The following PPP1R9A variants were observed in gnomAD, a reference collection of about 807,000 sequenced individuals.
PPP1R9A encodes protein phosphatase 1 regulatory subunit 9A, also known as neurabin-1.
In PPP1R9A, 59 loss-of-function variants were observed where a neutral mutation model predicts 141.9. The observed-to-expected ratio is 0.42, with a 90% CI of 0.34 to 0.52. PPP1R9A has a LOEUF of 0.52. Ranked by LOEUF, PPP1R9A falls within the 20% of genes least tolerant of loss-of-function variation. The pLI is 0.10. For synonymous variants in PPP1R9A, 500 were observed against 569.7 expected (o/e 0.88, Z 1.74); for missense variants, 1,444 against 1,611.9 (o/e 0.90, Z 1.78).
At chr7:95,071,582 T>G (rs1465622916) in intron 2 of PPP1R9A, among the ~76,000 whole-genome samples, 1 of 151,962 alleles carries the variant, frequency 6.6e-6, no homozygotes, top group Non-Finnish European at 1.5e-5. Context: ...CTTTTAAATG[T>G]CACAAAATAG....
intron 2 of PPP1R9A, among the ~76,000 whole-genome samples, chr7:95,020,682 C>T (rs1055325493): frequency 1.3e-5 from 2 of 152,128 alleles, no homozygotes; most frequent in Non-Finnish European, 2.9e-5. Flanking sequence ...GTTCAGCTCC[C>T]ACTTATGAGT....
chr7:94,998,213 C>T (rs1802433268), intron 2 of PPP1R9A, among the ~76,000 whole-genome samples: 1 of 152,060 alleles, frequency 6.6e-6, no homozygotes, highest in African/African-American at 2.4e-5. Flanking sequence ...ACACAGGACC[C>T]CAATATAGAA....
intron 4 of PPP1R9A, among the ~76,000 whole-genome samples, chr7:95,140,572 G>A (rs1826477305): frequency 6.6e-6 from 1 of 152,082 alleles, no homozygotes; most frequent in Non-Finnish European, 1.5e-5. Context: ...TGTATTTTTA[G>A]TATAGACGGG....
At chr7:94,941,764 T>G (rs1475287413) in intron 2 of PPP1R9A, among the ~76,000 whole-genome samples, 1 of 152,156 alleles carries the variant, frequency 6.6e-6, no homozygotes, top group Non-Finnish European at 1.5e-5. Context: ...AAATTATATA[T>G]GTCTTACAAA....
chr7:95,084,858 G>A (rs986966735), intron 2 of PPP1R9A, among the ~76,000 whole-genome samples: 2 of 151,760 alleles, frequency 1.3e-5, no homozygotes, highest in Non-Finnish European at 2.9e-5. Context: ...CATCACCATC[G>A]CAAACCATGC....
At chr7:94,979,007 G>A (rs1407739320) in intron 2 of PPP1R9A, among the ~76,000 whole-genome samples, 1 of 152,156 alleles carries the variant, frequency 6.6e-6, no homozygotes, top group Non-Finnish European at 1.5e-5. Context: ...ATGTTGGCCA[G>A]GCTGGTCTCG....
intron 12 of PPP1R9A, among the ~76,000 whole-genome samples, chr7:95,267,169 C>A (rs1801431442): frequency 6.6e-6 from 1 of 152,098 alleles, no homozygotes; most frequent in Non-Finnish European, 1.5e-5. Context: ...GTTTCATAGA[C>A]AAGAGGCACA....
chr7:95,038,410 A>C (rs1808750525), intron 2 of PPP1R9A, among the ~76,000 whole-genome samples: 1 of 152,128 alleles, frequency 6.6e-6, no homozygotes, highest in African/African-American at 2.4e-5. Flanking sequence ...CCTCCCCACC[A>C]GTGTTCATGG....
chr7:95,009,586 C>T (rs1242936860), intron 2 of PPP1R9A, among the ~76,000 whole-genome samples: 1 of 152,170 alleles, frequency 6.6e-6, no homozygotes, highest in East Asian at 1.9e-4. Flanking sequence ...CTTACAAGTG[C>T]TCCTTTGGAT....
intron 4 of PPP1R9A, among the ~76,000 whole-genome samples, chr7:95,134,801 AT>A (rs1341254938): frequency 6.6e-6 from 1 of 151,792 alleles, no homozygotes; most frequent in East Asian, 1.9e-4. Context: ...TCAGGAACCA[AT>A]TTTTTTTCTT....
At chr7:95,004,604 C>T (rs114452103) in intron 2 of PPP1R9A, among the ~76,000 whole-genome samples, 316 of 152,212 alleles carry the variant, frequency 2.1e-3, no homozygotes, top group African/African-American at 7.4e-3. Context: ...TACTACGTGC[C>T]TAAATGAACC....
chr7:95,232,840 A>G (rs2152968349), intron 8 of PPP1R9A, among the ~76,000 whole-genome samples: 1 of 152,356 alleles, frequency 6.6e-6, no homozygotes, highest in Admixed American at 6.5e-5. Flanking sequence ...TACCAGTTAG[A>G]ATGACAATCA....
chr7:95,058,776 G>GTTTTC (rs895769451), intron 2 of PPP1R9A, among the ~76,000 whole-genome samples: 8 of 151,734 alleles, frequency 5.3e-5, no homozygotes, highest in Non-Finnish European at 1.0e-4. Flanking sequence ...CAAAGCTTTA[G>GTTTTC]TTTTCTTTTC....
Position 95,004,676 on chromosome 7 carries a change from A to G in PPP1R9A, c.1395+93168A>G, listed in dbSNP as rs549916443. Among the ~76,000 whole-genome samples, 288 of 152,302 alleles carry G rather than the reference A, an allele frequency of 1.9e-3. 2 individuals are homozygous for G. The highest frequency in any genetic ancestry group is 6.5e-3 in the African/African-American group (269 of 41,576). On this transcript the variant is annotated intron_variant, in intron 2 of 19. Coordinates refer to ENST00000433360, the MANE Select transcript of PPP1R9A (RefSeq NM_001166160.2). ...AATAAAAGCTTACTGGATAGGCTCA[A>G]TAATAGAATGGATATGACTGGATAT...
At chr7:95,177,086 A>G (rs1017162873) in intron 5 of PPP1R9A, among the ~76,000 whole-genome samples, 33 of 152,286 alleles carry the variant, frequency 2.2e-4, no homozygotes, top group African/African-American at 7.7e-4. Flanking sequence ...TAAAGTTAAG[A>G]TGAAGGAAAG....
chr7:95,025,256 G>A (rs760972294), intron 2 of PPP1R9A, among the ~76,000 whole-genome samples: 5 of 151,942 alleles, frequency 3.3e-5, no homozygotes, highest in East Asian at 1.9e-4. Context: ...TAGTAGAGAC[G>A]GGGTTTCACC....
intron 7 of PPP1R9A, among the ~76,000 whole-genome samples, chr7:95,219,658 A>G (rs536311261): frequency 3.3e-5 from 5 of 152,242 alleles, no homozygotes; most frequent in Non-Finnish European, 7.4e-5. Context: ...GAATGAGTTG[A>G]TAAGTGGGAG....
At chr7:95,221,346 C>A (rs1158800045) in intron 7 of PPP1R9A, among the ~76,000 whole-genome samples, 1 of 152,042 alleles carries the variant, frequency 6.6e-6, no homozygotes, top group Non-Finnish European at 1.5e-5. Flanking sequence ...GTCTCAGGAC[C>A]AGGACTTGAA....
chr7:95,217,007 G>A (rs563177854), intron 7 of PPP1R9A, among the ~76,000 whole-genome samples: 10 of 152,228 alleles, frequency 6.6e-5, no homozygotes, highest in African/African-American at 2.4e-4. Flanking sequence ...ACACTATGTT[G>A]AATAGGAGTG....
Sources: gnomAD v4.1 joint callset for allele counts (sites outside exome capture counted in the v4.1 genomes callset) on GRCh38, gnomAD v4.1.1 for gene constraint, MANE v1.5 for transcripts, NCBI Gene and HGNC (gene_info 2026-07-23, HGNC 2026-07-21) for gene names.